The following TSPYL1 variants were observed in gnomAD, a reference collection of about 807,000 sequenced individuals.
TSPYL1 encodes TSPY like 1.
A neutral mutation model predicts 20.1 loss-of-function variants in TSPYL1; 16 were observed. The ratio of observed to expected loss-of-function variants is 0.80; its 90% CI spans 0.54 to 1.21. The LOEUF (loss-of-function observed/expected upper bound fraction) is 1.21, where lower values mean the gene tolerates loss of function less well. Among genes scored for constraint, TSPYL1 ranks in the 50% most tolerant of loss-of-function variants. The probability of loss-of-function intolerance (pLI) is 0.00; values close to 1 mark genes in which losing one functional copy is unlikely to be tolerated. For missense variants in TSPYL1, 560 were observed against 569.3 expected, an observed-to-expected ratio of 0.98 and a Z score of 0.17; for synonymous variants, 259 against 227.1, an observed-to-expected ratio of 1.14 and a Z score of -1.26.
At position 116,279,426 on chromosome 6, in the gene TSPYL1, A is replaced by G. The variant is rs1773348955; in HGVS notation, c.405T>C (p.Cys135=). 1 of 1,613,348 alleles carries G rather than the reference A, an allele frequency of 6.2e-7. No individual in the cohort carries two copies. Among genetic ancestry groups the G allele is most frequent in the Non-Finnish European group, 8.5e-7 (1 of 1,180,016 alleles). Residue 135 remains cysteine, a synonymous_variant, in exon 1 of 1, where the codon TGT becomes TGC. Transcript: ENST00000368608. ...GCTCAGACGCGGATCTCTGGGCGCC[A>G]CAGATTTCTAGGGCCTTCTCTCCAC... is the stretch of plus-strand genomic sequence containing the variant. ...VQGGEKALEI[C]GAQRSASELT...
At position 116,279,647 on chromosome 6, in the gene TSPYL1, G is replaced by T. The variant is rs3828743; in HGVS notation, c.184C>A (p.Pro62Thr). ...GGSETVALPP[P>T]PPSEEGGVPQ... Reference sequence around the variant, plus strand: ...ACGCCCCCCTCCTCTGAAGGCGGTGGAGGCGGGAGCGCGACGGTCTCCGAG... The same window carrying T: ...ACGCCCCCCTCCTCTGAAGGCGGTGTAGGCGGGAGCGCGACGGTCTCCGAG... The change falls in exon 1 of 1, where the codon CCA becomes ACA. Residue 62 changes from proline (P) to threonine (T), a missense_variant. Pro to Thr is a conservative substitution (Grantham distance 38). Coordinates refer to ENST00000368608, the MANE Select transcript of TSPYL1 (RefSeq NM_003309.4). 1 of 1,605,550 alleles carries T rather than the reference G, an allele frequency of 6.2e-7. No individual in the cohort carries two copies. Among genetic ancestry groups the T allele is most frequent in the South Asian group, 1.1e-5 (1 of 91,060 alleles).
Position 116,275,901 on chromosome 6 carries a change from T to C in TSPYL1, c.*2616A>G, listed in dbSNP as rs191884743. ...ACTACTGAGAGGAAAAGAGTGAACA[T>C]GGGAAAAACATGAAAATATAATCTC... On this transcript the variant is annotated 3_prime_UTR_variant, in exon 1 of 1. Coordinates refer to ENST00000368608, the MANE Select transcript of TSPYL1 (RefSeq NM_003309.4). Among the ~76,000 whole-genome samples, 1 of 152,114 alleles carries C rather than the reference T, an allele frequency of 6.6e-6. No individual in the cohort carries two copies. The highest frequency in any genetic ancestry group is 2.4e-5 in the African/African-American group (1 of 41,458).
In TSPYL1 at chr6:116,275,610, C is replaced by T. The variant is rs1773098008; in HGVS notation, c.*2907G>A. Among the ~76,000 whole-genome samples the T allele has an allele frequency of 6.6e-6, 1 of 152,114 alleles. No individual in the cohort carries two copies. The highest frequency in any genetic ancestry group is 2.1e-4 in the South Asian group (1 of 4,828). On this transcript the variant is annotated 3_prime_UTR_variant, in exon 1 of 1. Transcript: ENST00000368608. ...GGTCAGGAGATGGAGACCATCCTGG[C>T]TAACATGGTGAAACCCCATCTCTAC...
chr6:116,274,923 G>A lies in TSPYL1; in HGVS notation c.*3594C>T, dbSNP rs372998160. ...GCTTTCAGATATTCCTCAGGAAGTC[G>A]AGACATGCTGTCCTATGTAATTTTA... On this transcript the variant is annotated 3_prime_UTR_variant, in exon 1 of 1. Coordinates refer to ENST00000368608, the MANE Select transcript of TSPYL1 (RefSeq NM_003309.4). Among the ~76,000 whole-genome samples, 7 of 152,242 alleles carry A rather than the reference G, an allele frequency of 4.6e-5. No homozygotes were observed. The highest frequency in any genetic ancestry group is 3.9e-4 in the Admixed American group (6 of 15,292).
At position 116,279,867 on chromosome 6, in the gene TSPYL1, G is replaced by C; in HGVS notation, c.-37C>G. 4.3e-6 allele frequency: 7 copies of C among 1,612,982 alleles called. No individual in the cohort carries two copies. Among genetic ancestry groups the C allele is most frequent in the South Asian group, 1.1e-5 (1 of 91,070 alleles). Reference sequence around the variant, plus strand: ...TCGGACCAACCGCAGGCGAACGCCCGTTTTCCTCAGAGGCCGAACTGGGAG... The same window carrying C: ...TCGGACCAACCGCAGGCGAACGCCCCTTTTCCTCAGAGGCCGAACTGGGAG... On this transcript the variant is annotated 5_prime_UTR_variant, in exon 1 of 1. Coordinates refer to ENST00000368608, the MANE Select transcript of TSPYL1 (RefSeq NM_003309.4).
Position 116,279,299 on chromosome 6 carries a change from C to T in TSPYL1, c.532G>A (p.Glu178Lys). The T allele has an allele frequency of 1.4e-6, 2 of 1,463,174 alleles. No individual in the cohort carries two copies. Among genetic ancestry groups the T allele is most frequent in the Non-Finnish European group, 1.8e-6 (2 of 1,107,860 alleles). The allele number at this position is 1,463,174 out of a possible 1,614,324, so 90.6% of individuals were successfully genotyped here. A position where few individuals can be genotyped will look rare whatever the true frequency, so the allele number is the denominator to read the frequency against. The change falls in exon 1 of 1, where the codon GAA (glutamate) becomes AAA (lysine). Residue 178 changes from glutamate to lysine, a missense_variant. Physicochemically the swap from Glu to Lys is moderately conservative, Grantham distance 56. Transcript: ENST00000368608. The part of the protein sequence containing the change: ...AERESAEVVK[E>K]GLAEKEVMEE... ...ATTACCTCCTTCTCCGCCAGGCCTT[C>T]CTTCACCACCTCAGCGCTCTCCCTC...
rs557758312 is a variant in TSPYL1, at chr6:116,278,393, CAG to C, written c.*122_*123del. 27 of 1,265,328 alleles carry C rather than the reference CAG, an allele frequency of 2.1e-5. No homozygotes were observed. The highest frequency in any genetic ancestry group is 1.0e-4 in the South Asian group (8 of 78,524). 78.4% of individuals were successfully genotyped at this position (1,265,328 alleles called of 1,614,324 possible). On this transcript the variant is annotated 3_prime_UTR_variant, in exon 1 of 1. Coordinates refer to ENST00000368608, the MANE Select transcript of TSPYL1 (RefSeq NM_003309.4). ...GAGAGAACTGAATATCCAAAGGAAA[CAG>C]GGTGCAGAAAAGTCAGCAAAAACAA...
Position 116,277,483 on chromosome 6 carries a change from T to A in TSPYL1, c.*1034A>T, listed in dbSNP as rs1773201412. ...TCTAGATGTGTCTCTCTTTAACTAT[T>A]CTAGGAGTTGATAAAAGGGCTAGGA... On this transcript the variant is annotated 3_prime_UTR_variant, in exon 1 of 1. Transcript: ENST00000368608. 6.6e-6 allele frequency: 1 copy of A among 152,362 alleles called. No homozygotes were observed. The highest frequency in any genetic ancestry group is 2.4e-5 in the African/African-American group (1 of 41,428). 9.4% of individuals were successfully genotyped at this position (152,362 alleles called of 1,614,324 possible).
Position 116,275,360 on chromosome 6 carries a change from AAT to A in TSPYL1, c.*3155_*3156del, listed in dbSNP as rs1255059716. Among the ~76,000 whole-genome samples, 3 of 152,244 alleles carry A rather than the reference AAT, an allele frequency of 2.0e-5. No homozygotes were observed. Among genetic ancestry groups the A allele is most frequent in the Admixed American group, 1.3e-4 (2 of 15,288 alleles). Reference sequence around the variant, plus strand: ...ACGTTTTCTAATGACTAAAAGGGGAAATAGTTATTTAGGAATGGCATTGCAAA... The same window carrying A: ...ACGTTTTCTAATGACTAAAAGGGGAAAGTTATTTAGGAATGGCATTGCAAA... On this transcript the variant is annotated 3_prime_UTR_variant, in exon 1 of 1. Transcript: ENST00000368608.
rs913424039 is a variant in TSPYL1 at position 116,279,637 on chromosome 6, G to A, written c.194C>T (p.Ser65Leu). 5.0e-6 allele frequency: 8 copies of A among 1,604,864 alleles called. No homozygotes were observed. The highest frequency in any genetic ancestry group is 6.8e-6 in the Non-Finnish European group (8 of 1,179,878). Residue 65 changes from serine to leucine, a missense_variant, in exon 1 of 1, where the codon TCA becomes TTA. By Grantham distance (145) the Ser-to-Leu change is moderately radical. Transcript: ENST00000368608. ...ETVALPPPPPSEEGGVPQDAA... is the reference protein window; with the variant it reads ...ETVALPPPPPLEEGGVPQDAA... ...ATCCTGGGGTACGCCCCCCTCCTCT[G>A]AAGGCGGTGGAGGCGGGAGCGCGAC...
At position 116,279,129 on chromosome 6, in the gene TSPYL1, G is replaced by A. The variant is rs368570656; in HGVS notation, c.702C>T (p.Ala234=). ...HEALRMDPLE[A]IQLELDTVNA... ...TCACAGTGTCCAGTTCCAGCTGGATGGCCTCCAGAGGGTCCATGCGGAGAG... is the reference window on the plus strand; with the variant it reads ...TCACAGTGTCCAGTTCCAGCTGGATAGCCTCCAGAGGGTCCATGCGGAGAG... The change falls in exon 1 of 1, where the codon GCC becomes GCT. Residue 234 remains alanine (A), a synonymous_variant. Coordinates refer to ENST00000368608, the MANE Select transcript of TSPYL1 (RefSeq NM_003309.4). 5.6e-6 allele frequency: 9 copies of A among 1,614,094 alleles called. No homozygotes were observed. Among genetic ancestry groups the A allele is most frequent in the Non-Finnish European group, 7.6e-6 (9 of 1,180,032 alleles).
rs766732991 is a variant in TSPYL1, at chr6:116,278,969, G to A, written c.862C>T (p.Gln288Ter). Residue 288 changes from glutamine (Q) to a stop codon, truncating the protein, a stop_gained, in exon 1 of 1, where the codon CAG becomes TAG. Transcript: ENST00000368608. LOFTEE classifies it high-confidence loss of function. ...TGGCCCCTAATCATGGCGGACAACT[G>A]GGGGTGGTTTCGAAAAGCAGTCATC... ...FWMTAFRNHPQLSAMIRGQDA... is the reference protein window; with the variant it reads ...FWMTAFRNHP 1 of 1,614,086 alleles carries A rather than the reference G, an allele frequency of 6.2e-7. No homozygotes were observed. Among genetic ancestry groups the A allele is most frequent in the Non-Finnish European group, 8.5e-7 (1 of 1,180,028 alleles).
rs1206254245 is a variant in TSPYL1 at position 116,278,812 on chromosome 6, T to C, written c.1019A>G (p.Tyr340Cys). 1 of 1,614,164 alleles carries C rather than the reference T, an allele frequency of 6.2e-7. No homozygotes were observed. Among genetic ancestry groups the C allele is most frequent in the Admixed American group, 1.7e-5 (1 of 60,024 alleles). ...CACTCGGCCGGAGGATCTTACCTCA[T>C]ATTCCTTGACAATCAGCTTGTTTCT... ...YFRNKLIVKEYEVRSSGRVVS... is the reference protein window; with the variant it reads ...YFRNKLIVKECEVRSSGRVVS... The change falls in exon 1 of 1, where the codon TAT (tyrosine) becomes TGT (cysteine). Residue 340 changes from tyrosine (Y) to cysteine (C), a missense_variant. Tyr to Cys is a radical substitution (Grantham distance 194). Coordinates refer to ENST00000368608, the MANE Select transcript of TSPYL1 (RefSeq NM_003309.4).
chr6:116,279,003 C>A lies in TSPYL1; in HGVS notation c.828G>T (p.Pro276=), dbSNP rs770030257. 8.1e-6 allele frequency: 13 copies of A among 1,613,934 alleles called. No homozygotes were observed. Among genetic ancestry groups the A allele is most frequent in the Non-Finnish European group, 1.1e-5 (13 of 1,180,026 alleles). ...TTCGAAAAGCAGTCATCCAGAAGCC[C>A]GGGATATTCTGAATGATGTAGTTCC... is the stretch of plus-strand genomic sequence containing the variant. ...ERRNYIIQNI[P]GFWMTAFRNH... is the part of the protein sequence containing the mutation. Residue 276 remains proline (P), a synonymous_variant, in exon 1 of 1, where the codon CCG becomes CCT. Transcript: ENST00000368608.
In TSPYL1 at chr6:116,279,542, C is replaced by A; in HGVS notation, c.289G>T (p.Gly97Trp). The A allele has an allele frequency of 6.2e-7, 1 of 1,604,824 alleles. No individual in the cohort carries two copies. The highest frequency in any genetic ancestry group is 1.1e-5 in the South Asian group (1 of 91,084). The change falls in exon 1 of 1, where the codon GGG (glycine) becomes TGG (tryptophan). Residue 97 changes from glycine (G) to tryptophan (W), a missense_variant. By Grantham distance (184) the Gly-to-Trp change is radical (BLOSUM62 -2). Coordinates refer to ENST00000368608, the MANE Select transcript of TSPYL1 (RefSeq NM_003309.4). ...GCGGGAGGCTGGCCCTCTTCCTGCCCGGCTTTGATCGCCACATGACCGCGA... is the reference window on the plus strand; with the variant it reads ...GCGGGAGGCTGGCCCTCTTCCTGCCAGGCTTTGATCGCCACATGACCGCGA... ...GGRGHVAIKA[G>W]QEEGQPPAEG...
Position 116,279,285 on chromosome 6 carries a change from C to T in TSPYL1, c.546G>A (p.Glu182=), listed in dbSNP as rs1296445073. 1 of 1,557,268 alleles carries T rather than the reference C, an allele frequency of 6.4e-7. No individual in the cohort carries two copies. Among genetic ancestry groups the T allele is most frequent in the African/African-American group, 1.9e-5 (1 of 52,766 alleles). The stretch of plus-strand genomic sequence containing the variant: ...CCATCTGCTCCTCCATTACCTCCTT[C>T]TCCGCCAGGCCTTCCTTCACCACCT... ...SAEVVKEGLA[E]KEVMEEQMEV... The change falls in exon 1 of 1, where the codon GAG becomes GAA. Residue 182 remains glutamate, a synonymous_variant. Coordinates refer to ENST00000368608, the MANE Select transcript of TSPYL1 (RefSeq NM_003309.4).
rs537676463 is a variant in TSPYL1, at chr6:116,278,599, C to T, written c.1232G>A (p.Arg411His). ...WPNPLQYYLL[R>H]EGVRRARRRP... ...ACGTCGGGCTCTACGGACTCCTTCA[C>T]GCAACAGGTAGTATTGCAGTGGATT... The change falls in exon 1 of 1, where the codon CGT becomes CAT. Residue 411 changes from arginine to histidine, a missense_variant. Coordinates refer to ENST00000368608, the MANE Select transcript of TSPYL1 (RefSeq NM_003309.4). 4 of 1,614,154 alleles carry T rather than the reference C, an allele frequency of 2.5e-6. No individual in the cohort carries two copies. The highest frequency in any genetic ancestry group is 3.4e-6 in the Non-Finnish European group (4 of 1,180,032).
At position 116,277,754 on chromosome 6, in the gene TSPYL1, T is replaced by C. The variant is rs1428457578; in HGVS notation, c.*763A>G. The C allele has an allele frequency of 1.3e-5, 2 of 151,770 alleles. No individual in the cohort carries two copies. The highest frequency in any genetic ancestry group is 1.9e-4 in the East Asian group (1 of 5,166). The allele number at this position is 151,770 out of a possible 1,614,324, so 9.4% of individuals were successfully genotyped here. On this transcript the variant is annotated 3_prime_UTR_variant, in exon 1 of 1. Transcript: ENST00000368608. ...CCGTCTCTACTAAAAATATAAAAAT[T>C]AGCCGGGCGTGGCGGCGCGCGCCTG...
At position 116,276,655 on chromosome 6, in the gene TSPYL1, A is replaced by G. The variant is rs1250702553; in HGVS notation, c.*1862T>C. On this transcript the variant is annotated 3_prime_UTR_variant, in exon 1 of 1. Coordinates refer to ENST00000368608, the MANE Select transcript of TSPYL1 (RefSeq NM_003309.4). ...TGGATTAAAGGACTTTAATGATTCCATAATTTTTAATTAATATGAACAACT... is the reference window on the plus strand; with the variant it reads ...TGGATTAAAGGACTTTAATGATTCCGTAATTTTTAATTAATATGAACAACT... 6.6e-6 allele frequency: 1 copy of G among 152,228 alleles called. No homozygotes were observed. Among genetic ancestry groups the G allele is most frequent in the Non-Finnish European group, 1.5e-5 (1 of 68,040 alleles). The allele number at this position is 152,228 out of a possible 1,614,324, so 9.4% of individuals were successfully genotyped here.
Sources: allele counts gnomAD v4.1 joint callset (sites outside exome capture counted in the v4.1 genomes callset), GRCh38; gene constraint gnomAD v4.1.1; transcripts MANE v1.5; gene names NCBI Gene and HGNC (gene_info 2026-07-23, HGNC 2026-07-21).